MAP2K5: variants seen among roughly 807,000 people sequenced by gnomAD.
MAP2K5 encodes dual specificity mitogen-activated protein kinase kinase 5.
In MAP2K5, 49 loss-of-function variants were observed where a neutral mutation model predicts 83.1. The observed-to-expected ratio is 0.59, with a 90% confidence interval of 0.47 to 0.75. MAP2K5 has a LOEUF of 0.75. Among genes scored for constraint, MAP2K5 ranks in the 30% least tolerant of loss-of-function variants. MAP2K5 has a pLI of 0.00. For missense variants in MAP2K5, 457 were observed against 557.5 expected (o/e 0.82, Z 1.82); for synonymous variants, 202 against 191.8 (o/e 1.05, Z -0.44).
At chr15:67,657,880 C>T (rs777680321) in intron 11 of MAP2K5, among the ~76,000 whole-genome samples, 9 of 151,996 alleles carry the variant, frequency 5.9e-5, no homozygotes, top group South Asian at 2.1e-4. Flanking sequence ...ATTTGCATTT[C>T]GGAAGAATGA....
At chr15:67,593,806 C>T (rs543657309) in intron 7 of MAP2K5, among the ~76,000 whole-genome samples, 9 of 152,166 alleles carry the variant, frequency 5.9e-5, no homozygotes, top group Non-Finnish European at 1.3e-4. Flanking sequence ...GTCCATGTTT[C>T]GAAGGCTGAA....
rs2087430718 is a variant in MAP2K5 at position 67,668,053 on chromosome 15, C to T, written c.847+3408C>T. On this transcript the variant is annotated intron_variant, in intron 13 of 21. Transcript: ENST00000178640. This position sits in a 1 kb window ranked among gnomAD's most constrained non-coding sequence, Gnocchi z 4.0. ...AATTGTTTTGGAAATTGAAGCACAG[C>T]AGTTGCTATTCATAATGGATCATCA... is the stretch of plus-strand genomic sequence containing the variant. Among the ~76,000 whole-genome samples the T allele has an allele frequency of 6.6e-6, 1 of 152,174 alleles. No individual in the cohort carries two copies. The highest frequency in any genetic ancestry group is 2.4e-5 in the African/African-American group (1 of 41,454).
chr15:67,678,086 A>G (rs1245810956), intron 13 of MAP2K5, among the ~76,000 whole-genome samples: 1 of 152,242 alleles, frequency 6.6e-6, no homozygotes, highest in African/African-American at 2.4e-5. Flanking sequence ...GCACAGATGA[A>G]TTTGTAATGC....
intron 12 of MAP2K5, among the ~76,000 whole-genome samples, chr15:67,663,741 G>C (rs942746047): frequency 6.6e-6 from 1 of 152,176 alleles, no homozygotes; most frequent in African/African-American, 2.4e-5. Context: ...AGGGTATGGT[G>C]GTGTGCACCT....
Position 67,575,765 on chromosome 15 carries a change from T to C in MAP2K5, c.253-4989T>C, listed in dbSNP as rs75431516. Among the ~76,000 whole-genome samples, 168 of 152,200 alleles carry C rather than the reference T, an allele frequency of 1.1e-3. 1 individual carries two copies. In the East Asian group the frequency reaches 0.021, roughly 19 times the overall value. ...ATGATACTTATAGAATAGGATAGGATTGTAAAAAACTAAGTGAATAAATGT... is the reference window on the plus strand; with the variant it reads ...ATGATACTTATAGAATAGGATAGGACTGTAAAAAACTAAGTGAATAAATGT... On this transcript the variant is annotated intron_variant, in intron 3 of 21. Coordinates refer to ENST00000178640, the MANE Select transcript of MAP2K5 (RefSeq NM_145160.3).
At position 67,757,405 on chromosome 15, in the gene MAP2K5, A is replaced by G. The variant is rs896094384; in HGVS notation, c.1134+8804A>G. On this transcript the variant is annotated intron_variant, in intron 19 of 21. Coordinates refer to ENST00000178640, the MANE Select transcript of MAP2K5 (RefSeq NM_145160.3). This position sits in a 1 kb window ranked among gnomAD's most constrained non-coding sequence, Gnocchi z 4.9. ...TTTATGTTGCTCAAAAACCCAACCT[A>G]TAAAATAGATGAACATGAAGCTATT... Among the ~76,000 whole-genome samples, 1 of 152,198 alleles carries G rather than the reference A, an allele frequency of 6.6e-6. No individual in the cohort carries two copies. Among genetic ancestry groups the G allele is most frequent in the African/African-American group, 2.4e-5 (1 of 41,454 alleles).
chr15:67,721,643 T>C (rs2088962051), intron 16 of MAP2K5, among the ~76,000 whole-genome samples: 1 of 152,216 alleles, frequency 6.6e-6, no homozygotes, highest in African/African-American at 2.4e-5. Context: ...CAGTATGACC[T>C]TGAGCAAATT....
chr15:67,643,712 G>GGC, intron 9 of MAP2K5, among the ~76,000 whole-genome samples: 1 of 152,186 alleles, frequency 6.6e-6, no homozygotes, highest in Admixed American at 6.5e-5. Context: ...TCCTCCCAAA[G>GGC]TGCTGGGATT....
intron 19 of MAP2K5, among the ~76,000 whole-genome samples, chr15:67,766,293 G>A (rs575220674): frequency 3.4e-4 from 52 of 152,246 alleles, no homozygotes; most frequent in South Asian, 1.0e-3. Context: ...CTTTACCTCC[G>A]TGCTTAGAAG....
chr15:67,588,896 G>A (rs959771157), intron 6 of MAP2K5, among the ~76,000 whole-genome samples: 3 of 152,186 alleles, frequency 2.0e-5, no homozygotes, highest in Non-Finnish European at 4.4e-5. Context: ...GCTCGCTGCA[G>A]CCTTGACCTC....
At position 67,695,272 on chromosome 15, in the gene MAP2K5, A is replaced by G. The variant is rs142732729; in HGVS notation, c.972+1704A>G. On this transcript the variant is annotated intron_variant, in intron 15 of 21. Coordinates refer to ENST00000178640, the MANE Select transcript of MAP2K5 (RefSeq NM_145160.3). Reference sequence around the variant, plus strand: ...CTTAAAGTATAATGATAATAAATTTAAAAAAAAAAGATTTAGGGATGGAAC... The same window carrying G: ...CTTAAAGTATAATGATAATAAATTTGAAAAAAAAAGATTTAGGGATGGAAC... Among the ~76,000 whole-genome samples the G allele has an allele frequency of 3.9e-3, 589 of 149,406 alleles. 7 individuals carry two copies. Among genetic ancestry groups the G allele is most frequent in the African/African-American group, 0.014 (556 of 40,868 alleles).
chr15:67,742,020 G>A (rs1469950338), intron 17 of MAP2K5, among the ~76,000 whole-genome samples: 2 of 151,162 alleles, frequency 1.3e-5, no homozygotes, highest in East Asian at 2.0e-4. Flanking sequence ...TCAGCCTCCC[G>A]AGTAGCTGGG....
In MAP2K5 at chr15:67,676,967, A is replaced by C. The variant is rs941745683; in HGVS notation, c.847+12322A>C. On this transcript the variant is annotated intron_variant, in intron 13 of 21. Transcript: ENST00000178640. The surrounding 1 kb of genome is among the most constrained non-coding windows in gnomAD (Gnocchi z 4.8). ...GAGGTCATAGCATTGTACCTGGCATATAACAGCTATTATTATGTCAAATAA... is the reference window on the plus strand; with the variant it reads ...GAGGTCATAGCATTGTACCTGGCATCTAACAGCTATTATTATGTCAAATAA... Among the ~76,000 whole-genome samples, 1 of 152,248 alleles carries C rather than the reference A, an allele frequency of 6.6e-6. No individual in the cohort carries two copies. Among genetic ancestry groups the C allele is most frequent in the African/African-American group, 2.4e-5 (1 of 41,458 alleles).
intron 1 of MAP2K5, among the ~76,000 whole-genome samples, chr15:67,547,077 AACACACAC>A (rs59269114): frequency 1.4e-5 from 2 of 144,092 alleles, no homozygotes; most frequent in African/African-American, 2.6e-5. Flanking sequence ...AAAAGAAGAA[AACACACAC>A]ACACACACAC....
chr15:67,721,478 G>A (rs2088958811), intron 16 of MAP2K5, among the ~76,000 whole-genome samples: 2 of 152,126 alleles, frequency 1.3e-5, no homozygotes, highest in African/African-American at 4.8e-5. Flanking sequence ...CAGACTACTT[G>A]GCACTTTTCG....
chr15:67,767,353 G>C (rs560963581), intron 19 of MAP2K5, among the ~76,000 whole-genome samples: 3 of 152,290 alleles, frequency 2.0e-5, no homozygotes, highest in African/African-American at 7.2e-5. Flanking sequence ...TAGAAAGCCA[G>C]TCCAGAATTT....
At chr15:67,594,801 T>C (rs1490973187) in intron 7 of MAP2K5, among the ~76,000 whole-genome samples, 1 of 152,130 alleles carries the variant, frequency 6.6e-6, no homozygotes, top group Non-Finnish European at 1.5e-5. Flanking sequence ...TTACTTGCAC[T>C]CAAAAAATTC....
chr15:67,667,804 T>G (rs1234969854), intron 13 of MAP2K5, among the ~76,000 whole-genome samples: 1 of 152,148 alleles, frequency 6.6e-6, no homozygotes, highest in Non-Finnish European at 1.5e-5. Flanking sequence ...ATTTTAGCTA[T>G]AGAAAGTGTA....
Position 67,712,834 on chromosome 15 carries a change from T to G in MAP2K5, c.1044+9426T>G, listed in dbSNP as rs879936283. 3.3e-5 allele frequency among the ~76,000 whole-genome samples: 5 copies of G among 151,184 alleles called. No homozygotes were observed. The East Asian group carries it at 9.7e-4, about 29-fold the overall frequency. ...TCAGGAGGCTGAGGCAGGAGAATGGTGTGAATCTGGGAGGCAGAGCTTGCA... is the reference window on the plus strand; with the variant it reads ...TCAGGAGGCTGAGGCAGGAGAATGGGGTGAATCTGGGAGGCAGAGCTTGCA... On this transcript the variant is annotated intron_variant, in intron 16 of 21. Coordinates refer to ENST00000178640, the MANE Select transcript of MAP2K5 (RefSeq NM_145160.3).
Sources: allele counts gnomAD v4.1 joint callset (sites outside exome capture counted in the v4.1 genomes callset), GRCh38; gene constraint gnomAD v4.1.1; non-coding constraint Gnocchi (gnomAD v3.1); transcripts MANE v1.5; gene names NCBI Gene and HGNC (gene_info 2026-07-23, HGNC 2026-07-21).